Variants in RUBCN observed in about 807,000 individuals in gnomAD.
The protein encoded by RUBCN is run domain Beclin-1-interacting and cysteine-rich domain-containing protein.
RUBCN carries 74 observed loss-of-function variants against 113.2 expected under a neutral mutation model. That is an observed-to-expected ratio of 0.65 (90% CI 0.54 to 0.79). The LOEUF (loss-of-function observed/expected upper bound fraction) is 0.79. RUBCN is among the 30% of genes least tolerant of loss of function. The pLI is 0.00. For missense variants in RUBCN, 1,109 were observed against 1,251.7 expected (o/e 0.89, Z 1.72); for synonymous variants, 480 against 490.0 (o/e 0.98, Z 0.27).
At chr3:197,709,457 C>A (rs996297314) in intron 2 of RUBCN, among the ~76,000 whole-genome samples, 1 of 152,076 alleles carries the variant, frequency 6.6e-6, no homozygotes, top group Non-Finnish European at 1.5e-5. Context: ...CTCGGCTCAC[C>A]GCAACCTCCA....
intron 2 of RUBCN, among the ~76,000 whole-genome samples, chr3:197,715,085 T>C (rs905982341): frequency 1.3e-5 from 2 of 151,050 alleles, no homozygotes; most frequent in African/African-American, 4.9e-5. Context: ...AGGTCAGGAG[T>C]TCGAGACCAG....
chr3:197,685,052 A>G (rs1442874002), intron 11 of RUBCN, among the ~76,000 whole-genome samples: 1 of 152,234 alleles, frequency 6.6e-6, no homozygotes, highest in Non-Finnish European at 1.5e-5. Context: ...AAGATGGTCA[A>G]CATGACCTCT....
intron 11 of RUBCN, among the ~76,000 whole-genome samples, chr3:197,689,229 T>A (rs1722167898): frequency 1.3e-5 from 2 of 152,062 alleles, no homozygotes; most frequent in African/African-American, 4.8e-5. Flanking sequence ...GGTCTCACTA[T>A]GTTTCCCAGG....
intron 7 of RUBCN, chr3:197,700,340 A>G: frequency 1.8e-6 from 1 of 542,878 alleles, no homozygotes; most frequent in African/African-American, 2.0e-5. Context: ...GAAAACTCGC[A>G]CTATGAGTCA....
chr3:197,678,643 C>CT (rs1446424692), intron 16 of RUBCN, among the ~76,000 whole-genome samples: 2 of 148,354 alleles, frequency 1.3e-5, no homozygotes, highest in Non-Finnish European at 3.0e-5. Context: ...GTCCTACGCT[C>CT]TAACTGACAA....
intron 1 of RUBCN, among the ~76,000 whole-genome samples, chr3:197,736,315 C>T (rs538152611): frequency 7.4e-4 from 112 of 152,296 alleles, no homozygotes; most frequent in African/African-American, 2.6e-3. Context: ...TGTCTATAGA[C>T]TCTGGCCTGT....
intron 2 of RUBCN, among the ~76,000 whole-genome samples, chr3:197,706,735 T>C (rs996323394): frequency 6.6e-6 from 1 of 152,004 alleles, no homozygotes; most frequent in Non-Finnish European, 1.5e-5. Context: ...ACAAAATAAA[T>C]AGCCTGAAAG....
intron 1 of RUBCN, among the ~76,000 whole-genome samples, chr3:197,724,854 T>G (rs1726562827): frequency 6.6e-6 from 1 of 152,172 alleles, no homozygotes. Flanking sequence ...AGAGCAGAAT[T>G]GTTTAGGGCT....
intron 16 of RUBCN, 133 bp from the exon 17 acceptor site, chr3:197,677,674 G>A (rs565178890): frequency 5.8e-5 from 44 of 753,782 alleles, no homozygotes; most frequent in Non-Finnish European, 7.8e-5. Context: ...ACTGTCCTAC[G>A]CTCTGACAAC....
At chr3:197,684,257 G>T in intron 11 of RUBCN, 40 bp from the exon 12 acceptor site, 1 of 1,534,870 alleles carries the variant, frequency 6.5e-7, no homozygotes, top group South Asian at 1.1e-5. Context: ...CAATGGAAAC[G>T]GGGTGGGTAA....
intron 11 of RUBCN, among the ~76,000 whole-genome samples, chr3:197,691,401 G>A (rs995093406): frequency 6.6e-6 from 1 of 151,910 alleles, no homozygotes; most frequent in Non-Finnish European, 1.5e-5. Flanking sequence ...TGGCAATGAC[G>A]GAGGCATTTC....
chr3:197,674,908 TAAAAA>T lies in RUBCN; in HGVS notation c.*105_*109del. ...AAAAAAAAAAAAAGATGATGATAAT[TAAAAA>T]AAAAAAAAAAAAAAGAAGCCCCAGG... On this transcript the variant is annotated 3_prime_UTR_variant, in exon 20 of 20. Coordinates refer to ENST00000296343, the MANE Select transcript of RUBCN (RefSeq NM_014687.4). 14 of 625,598 alleles carry T rather than the reference TAAAAA, an allele frequency of 2.2e-5. No homozygotes were observed. Among genetic ancestry groups the T allele is most frequent in the African/African-American group, 4.8e-5 (2 of 42,074 alleles). The allele number at this position is 625,598 out of a possible 1,614,324, so 38.8% of individuals were successfully genotyped here. A position where few individuals can be genotyped will look rare whatever the true frequency, so the allele number is the denominator to read the frequency against.
chr3:197,681,724 A>G lies in RUBCN; in HGVS notation c.2191+111T>C, dbSNP rs1429962022. ...TACGAACCTTTCTTTCTCCTTCCCT[A>G]CTTCTGCCACGCCACCTCCTGCTAC... is the stretch of plus-strand genomic sequence containing the variant. On this transcript the variant is annotated intron_variant, in intron 15 of 19. Transcript: ENST00000296343. This position sits in a 1 kb window ranked among gnomAD's most constrained non-coding sequence, Gnocchi z 5.5. The G allele has an allele frequency of 3.2e-6, 3 of 932,462 alleles. No homozygotes were observed. In the East Asian group the frequency reaches 7.3e-5, roughly 23 times the overall value. The allele number at this position is 932,462 out of a possible 1,614,324, so 57.8% of individuals were successfully genotyped here.
chr3:197,734,024 G>C (rs1457565258), intron 1 of RUBCN, among the ~76,000 whole-genome samples: 1 of 152,130 alleles, frequency 6.6e-6, no homozygotes, highest in South Asian at 2.1e-4. Context: ...GGGAGGCGGA[G>C]GCTGGTAGAT....
intron 11 of RUBCN, among the ~76,000 whole-genome samples, chr3:197,690,892 G>A (rs1722346947): frequency 6.6e-6 from 1 of 152,222 alleles, no homozygotes; most frequent in South Asian, 2.1e-4. Flanking sequence ...AAGAATCAGT[G>A]AGTATCTGAA....
chr3:197,743,490 A>G (rs920474109), intron 1 of RUBCN, among the ~76,000 whole-genome samples: 7 of 152,250 alleles, frequency 4.6e-5, no homozygotes, highest in African/African-American at 1.7e-4. Flanking sequence ...GCAGAAGACT[A>G]GAACAGGAAA....
rs756827158 is a variant in RUBCN, at chr3:197,675,378, CCT to C, written c.2740+42_2740+43del. On this transcript the variant is annotated intron_variant, in intron 19 of 19. Coordinates refer to ENST00000296343, the MANE Select transcript of RUBCN (RefSeq NM_014687.4). This position sits in a 1 kb window ranked among gnomAD's most constrained non-coding sequence, Gnocchi z 4.4. ...GGGTGGCTCTGGGGAATCAAGGAGC[CCT>C]GTGTTCAGGCTCACTTGCCCGATGC... 20 of 1,567,506 alleles carry C rather than the reference CCT, an allele frequency of 1.3e-5. 1 individual carries two copies. In the South Asian group the frequency reaches 2.2e-4, roughly 17 times the overall value.
At position 197,676,949 on chromosome 3, in the gene RUBCN, C is replaced by G; in HGVS notation, c.2582G>C (p.Gly861Ala). ...CTCAGCAAGCCGGGGCCCCAGCTCC[C>G]CCTTCCTGGTCGCAGTCAGGTCATT... ...SLNDLTATRK[G>A]ELGPRLAELT... Residue 861 changes from glycine (G) to alanine (A), a missense_variant, in exon 18 of 20, where the codon GGG becomes GCG. Gly to Ala is a moderately conservative substitution (Grantham distance 60). Transcript: ENST00000296343. The G allele has an allele frequency of 1.2e-6, 2 of 1,614,244 alleles. No individual in the cohort carries two copies. The highest frequency in any genetic ancestry group is 1.7e-6 in the Non-Finnish European group (2 of 1,180,046).
intron 1 of RUBCN, among the ~76,000 whole-genome samples, chr3:197,746,215 C>A (rs148956405): frequency 6.6e-6 from 1 of 152,136 alleles, no homozygotes; most frequent in African/African-American, 2.4e-5. Context: ...ATAGCCATCG[C>A]GAAACATGAT....
Sources: gnomAD v4.1 joint callset for allele counts (sites outside exome capture counted in the v4.1 genomes callset) on GRCh38, gnomAD v4.1.1 for gene constraint, Gnocchi (gnomAD v3.1) non-coding constraint, MANE v1.5 for transcripts, NCBI Gene and HGNC (gene_info 2026-07-23, HGNC 2026-07-21) for gene names.